ST7: variants seen among roughly 807,000 people sequenced by gnomAD.
The protein encoded by ST7 is suppressor of tumorigenicity 7 protein.
Under a neutral mutation model 78.7 loss-of-function variants are expected in ST7, and 28 were observed. That is an observed-to-expected ratio of 0.36 (90% CI 0.26 to 0.49). The LOEUF (loss-of-function observed/expected upper bound fraction) is 0.49, where lower values mean the gene tolerates loss of function less well. Among genes scored for constraint, ST7 ranks in the 20% least tolerant of loss-of-function variants. The probability of loss-of-function intolerance (pLI) is 0.99; values close to 1 mark genes in which losing one functional copy is unlikely to be tolerated. For missense variants in ST7, 418 were observed against 696.0 expected (o/e 0.60, Z 4.49); for synonymous variants, 247 against 249.6 (o/e 0.99, Z 0.10).
At chr7:117,126,103 CA>C (rs1195713262) in intron 3 of ST7, among the ~76,000 whole-genome samples, 1 of 151,928 alleles carries the variant, frequency 6.6e-6, no homozygotes, top group African/African-American at 2.4e-5. Context: ...ATAGCAACAA[CA>C]AAAGTTGCTG....
At chr7:117,226,083 C>T (rs1412376997) in intron 15 of ST7, among the ~76,000 whole-genome samples, 1 of 152,154 alleles carries the variant, frequency 6.6e-6, no homozygotes, top group Non-Finnish European at 1.5e-5. Flanking sequence ...TTCTGACTCT[C>T]ATGTTCACTT....
At chr7:117,016,522 ATG>A (rs1795624190) in intron 1 of ST7, among the ~76,000 whole-genome samples, 1 of 152,170 alleles carries the variant, frequency 6.6e-6, no homozygotes, top group Non-Finnish European at 1.5e-5. Context: ...TACTTTATAT[ATG>A]TATAATTGAT....
intron 3 of ST7, among the ~76,000 whole-genome samples, chr7:117,129,585 A>G (rs1286179551): frequency 6.6e-6 from 1 of 151,894 alleles, no homozygotes; most frequent in East Asian, 1.9e-4. Context: ...ACTCAGGCCC[A>G]GAGAGATTAG....
chr7:117,159,694 G>A (rs1584490972), intron 9 of ST7, among the ~76,000 whole-genome samples: 1 of 152,032 alleles, frequency 6.6e-6, no homozygotes, highest in African/African-American at 2.4e-5. Flanking sequence ...TAAATAAATC[G>A]AGTTATGTTC....
chr7:117,136,748 C>T (rs1804823656), intron 8 of ST7: 2 of 155,032 alleles, frequency 1.3e-5, no homozygotes, highest in African/African-American at 4.8e-5. Flanking sequence ...GAGCCATGAG[C>T]TCCTAGTTAT....
At chr7:116,957,294 T>C (rs1792556148) in intron 1 of ST7, among the ~76,000 whole-genome samples, 1 of 152,088 alleles carries the variant, frequency 6.6e-6, no homozygotes, top group South Asian at 2.1e-4. Flanking sequence ...TGAAAATGAA[T>C]TTTAAAAAAG....
At chr7:117,210,955 A>C (rs530630964) in intron 13 of ST7, among the ~76,000 whole-genome samples, 25 of 152,180 alleles carry the variant, frequency 1.6e-4, no homozygotes, top group Admixed American at 4.6e-4. Flanking sequence ...TCAACCTCAC[A>C]AACAAGTGTC....
At chr7:116,958,648 G>C (rs1254261327) in intron 1 of ST7, 3 of 471,178 alleles carry the variant, frequency 6.4e-6, no homozygotes, top group Non-Finnish European at 1.3e-5. Flanking sequence ...GCTTACCTTG[G>C]AGATATTGCA....
chr7:116,981,631 A>G (rs1381220209), intron 1 of ST7, among the ~76,000 whole-genome samples: 2 of 152,204 alleles, frequency 1.3e-5, no homozygotes, highest in African/African-American at 4.8e-5. Flanking sequence ...AAACACTTTG[A>G]AACTGTAAAT....
At chr7:117,027,600 G>C (rs552727327) in intron 1 of ST7, among the ~76,000 whole-genome samples, 1 of 152,142 alleles carries the variant, frequency 6.6e-6, no homozygotes, top group African/African-American at 2.4e-5. Flanking sequence ...TTTAGACTCT[G>C]GGCGGGACAT....
At position 116,967,381 on chromosome 7, in the gene ST7, C is replaced by G. The variant is rs200758533; in HGVS notation, c.151+13690C>G. 177 of 471,286 alleles carry G rather than the reference C, an allele frequency of 3.8e-4. 4 individuals are homozygous for G. The highest frequency in any genetic ancestry group is 2.9e-3 in the East Asian group (42 of 14,394). 29.2% of individuals were successfully genotyped at this position (471,286 alleles called of 1,614,324 possible). ...TTCTGGCTCCTGGTGCTTAGGACTG[C>G]TGTCCCCTCTCCCTGCCTTACCAGT... On this transcript the variant is annotated intron_variant, in intron 1 of 15. Transcript: ENST00000323984.
intron 12 of ST7, among the ~76,000 whole-genome samples, chr7:117,203,580 A>C (rs897169553): frequency 1.5e-4 from 23 of 152,174 alleles, no homozygotes; most frequent in African/African-American, 5.1e-4. Context: ...ACTCTTATTT[A>C]ATTAGTAAAA....
chr7:117,148,432 ATT>A (rs1318978676), intron 9 of ST7, among the ~76,000 whole-genome samples: 1 of 152,112 alleles, frequency 6.6e-6, no homozygotes, highest in Non-Finnish European at 1.5e-5. Flanking sequence ...TTTGATGAAT[ATT>A]GTCTTTATTC....
chr7:117,058,285 G>T (rs1229303751), intron 1 of ST7, among the ~76,000 whole-genome samples: 2 of 152,044 alleles, frequency 1.3e-5, no homozygotes, highest in Non-Finnish European at 2.9e-5. Context: ...TTTGTATGAT[G>T]ATATTTTTTA....
chr7:117,159,960 G>A (rs1806997204), intron 9 of ST7, among the ~76,000 whole-genome samples: 1 of 152,036 alleles, frequency 6.6e-6, no homozygotes, highest in African/African-American at 2.4e-5. Flanking sequence ...CCAGCACTTT[G>A]GGAGACTGAG....
chr7:117,019,283 T>G (rs931225759), intron 1 of ST7, among the ~76,000 whole-genome samples: 4 of 152,240 alleles, frequency 2.6e-5, no homozygotes, highest in African/African-American at 9.6e-5. Flanking sequence ...AACTCTTTTT[T>G]TGGCTTGTGT....
At chr7:116,954,980 T>G in intron 1 of ST7, 1 of 359,780 alleles carries the variant, frequency 2.8e-6, no homozygotes, top group South Asian at 2.2e-5. Flanking sequence ...GTAGTATCCC[T>G]CGGGATCGTG....
chr7:116,989,931 T>C (rs950182074), intron 1 of ST7, among the ~76,000 whole-genome samples: 1 of 152,194 alleles, frequency 6.6e-6, no homozygotes, highest in South Asian at 2.1e-4. Flanking sequence ...AGATTGGTGA[T>C]TAACCATGTT....
intron 1 of ST7, among the ~76,000 whole-genome samples, chr7:116,974,220 A>G (rs1411582412): frequency 1.3e-5 from 2 of 152,116 alleles, no homozygotes; most frequent in Non-Finnish European, 2.9e-5. Context: ...ATCTGACTCT[A>G]GAACCTCCAT....
Sources: gnomAD v4.1 joint callset for allele counts (sites outside exome capture counted in the v4.1 genomes callset) on GRCh38, gnomAD v4.1.1 for gene constraint, MANE v1.5 for transcripts, NCBI Gene and HGNC (gene_info 2026-07-23, HGNC 2026-07-21) for gene names.